The following TRDN variants were observed in gnomAD, a reference collection of about 807,000 sequenced individuals.
TRDN encodes triadin in skeletal muscle.
TRDN carries 161 observed loss-of-function variants against 149.7 expected under a neutral mutation model. That is an observed-to-expected ratio of 1.08 (90% CI 0.95 to 1.23). The LOEUF (loss-of-function observed/expected upper bound fraction) is 1.23, where lower values mean the gene tolerates loss of function less well. Among genes scored for constraint, TRDN ranks in the 50% most tolerant of loss-of-function variants. TRDN has a pLI of 0.00. For missense variants in TRDN, 896 were observed against 823.5 expected, an observed-to-expected ratio of 1.09 and a Z score of -1.08; for synonymous variants, 294 against 250.5, an observed-to-expected ratio of 1.17 and a Z score of -1.64.
At chr6:123,330,099 T>C (rs1779605906) in intron 23 of TRDN, among the ~76,000 whole-genome samples, 1 of 152,034 alleles carries the variant, frequency 6.6e-6, no homozygotes, top group Non-Finnish European at 1.5e-5. Context: ...TCTTTGAGAA[T>C]ATATTTCCAG....
chr6:123,531,997 C>A (rs1401595735), intron 4 of TRDN, among the ~76,000 whole-genome samples: 4 of 151,968 alleles, frequency 2.6e-5, no homozygotes, highest in Non-Finnish European at 5.9e-5. Flanking sequence ...CAAATGTCTC[C>A]TACAGGGCAA....
Position 123,409,715 on chromosome 6 carries a change from A to ACACC in TRDN, c.1052-16039_1052-16038insGGTG, listed in dbSNP as rs35355392. Among the ~76,000 whole-genome samples, 699 of 151,478 alleles carry ACACC rather than the reference A, an allele frequency of 4.6e-3. 4 individuals carry two copies. The highest frequency in any genetic ancestry group is 6.9e-3 in the Non-Finnish European group (465 of 67,830). ...TACACACACACACACACACACACACACCCAAAACTCAGAGTCTAGTGAGAA... is the reference window on the plus strand; with the variant it reads ...TACACACACACACACACACACACACACACCCCCAAAACTCAGAGTCTAGTGAGAA... On this transcript the variant is annotated intron_variant, in intron 12 of 40. Coordinates refer to ENST00000334268, the MANE Select transcript of TRDN (RefSeq NM_006073.4).
intron 29 of TRDN, among the ~76,000 whole-genome samples, chr6:123,272,096 T>C (rs558710660): frequency 3.9e-5 from 6 of 151,974 alleles, no homozygotes; most frequent in Non-Finnish European, 7.4e-5. Context: ...CTGTTGTTGG[T>C]GTATCACAGT....
At chr6:123,506,508 A>C (rs1778930795) in intron 7 of TRDN, among the ~76,000 whole-genome samples, 1 of 150,746 alleles carries the variant, frequency 6.6e-6, no homozygotes, top group Non-Finnish European at 1.5e-5. Context: ...TTTTTTGTTT[A>C]GATAGACTCT....
In TRDN at chr6:123,503,633, C is replaced by G. The variant is rs1778792708; in HGVS notation, c.793+86G>C. On this transcript the variant is annotated intron_variant, in intron 8 of 40. Transcript: ENST00000334268. ...CCCCCATTTGAAGTCTGATTTTGGT[C>G]TTTTTCAACTTTTAATTTCACTGCA... 1.9e-6 allele frequency: 3 copies of G among 1,571,624 alleles called. No individual in the cohort carries two copies. The East Asian group carries it at 6.8e-5, about 36-fold the overall frequency.
intron 1 of TRDN, among the ~76,000 whole-genome samples, chr6:123,607,400 A>T (rs1668606668): frequency 6.6e-6 from 1 of 152,182 alleles, no homozygotes; most frequent in Admixed American, 6.6e-5. Flanking sequence ...CTCAGAAGAA[A>T]CCTCAAAAGA....
At chr6:123,296,591 A>G (rs2114660791) in intron 24 of TRDN, among the ~76,000 whole-genome samples, 1 of 152,132 alleles carries the variant, frequency 6.6e-6, no homozygotes, top group Non-Finnish European at 1.5e-5. Context: ...TAAGACTCTA[A>G]GAGAAAATGC....
intron 23 of TRDN, among the ~76,000 whole-genome samples, chr6:123,327,672 T>A (rs1779509838): frequency 6.6e-6 from 1 of 152,128 alleles, no homozygotes; most frequent in East Asian, 1.9e-4. Context: ...TTAATTTTCA[T>A]AGGATGATCT....
At chr6:123,382,352 T>C (rs898888820) in intron 14 of TRDN, among the ~76,000 whole-genome samples, 1 of 151,262 alleles carries the variant, frequency 6.6e-6, no homozygotes, top group Non-Finnish European at 1.5e-5. Context: ...AAACTCTTTA[T>C]AAAATATCTT....
intron 2 of TRDN, among the ~76,000 whole-genome samples, chr6:123,569,193 C>T (rs1275425411): frequency 6.6e-6 from 1 of 152,198 alleles, no homozygotes; most frequent in Non-Finnish European, 1.5e-5. Context: ...AAGAATGCAG[C>T]CAAGATCTTT....
intron 1 of TRDN, among the ~76,000 whole-genome samples, chr6:123,597,425 G>A (rs927820205): frequency 2.0e-5 from 3 of 152,052 alleles, no homozygotes; most frequent in Non-Finnish European, 2.9e-5. Flanking sequence ...TGACAACAAA[G>A]GATTTAGAAT....
intron 23 of TRDN, among the ~76,000 whole-genome samples, chr6:123,321,170 TGAC>T (rs1779229164): frequency 6.6e-6 from 1 of 152,134 alleles, no homozygotes. Flanking sequence ...GGCAATTGTG[TGAC>T]CTGGGCAAGT....
chr6:123,566,409 A>G (rs1583256908), intron 2 of TRDN, among the ~76,000 whole-genome samples: 1 of 152,342 alleles, frequency 6.6e-6, no homozygotes, highest in East Asian at 1.9e-4. Context: ...TAGCAAATAT[A>G]TGCATAAATC....
At chr6:123,329,325 G>C (rs1779580524) in intron 23 of TRDN, among the ~76,000 whole-genome samples, 1 of 152,152 alleles carries the variant, frequency 6.6e-6, no homozygotes, top group Admixed American at 6.6e-5. Flanking sequence ...AATTGTGTAT[G>C]ATATTGCCAT....
At position 123,398,701 on chromosome 6, in the gene TRDN, A is replaced by G. The variant is rs528984636; in HGVS notation, c.1052-5024T>C. Among the ~76,000 whole-genome samples the G allele has an allele frequency of 3.3e-5, 5 of 152,294 alleles. No individual in the cohort carries two copies. In the South Asian group the frequency reaches 8.3e-4, roughly 25 times the overall value. On this transcript the variant is annotated intron_variant, in intron 12 of 40. Coordinates refer to ENST00000334268, the MANE Select transcript of TRDN (RefSeq NM_006073.4). ...AAGCATATTTCATGGGCATTGCTTC[A>G]TTTCAGTATGATAATTACCCTATTG...
Position 123,382,102 on chromosome 6 carries a change from G to C in TRDN, c.1165+16C>G. On this transcript the variant is annotated intron_variant, in intron 15 of 40. Coordinates refer to ENST00000334268, the MANE Select transcript of TRDN (RefSeq NM_006073.4). ...TCATCAAACATAAGGCAGAAAAAAA[G>C]AAATATGTCCAGTACCTTCTGCAGG... The C allele has an allele frequency of 6.8e-7, 1 of 1,467,918 alleles. No individual in the cohort carries two copies. The highest frequency in any genetic ancestry group is 1.4e-5 in the South Asian group (1 of 70,728). 90.9% of individuals were successfully genotyped at this position (1,467,918 alleles called of 1,614,324 possible).
intron 1 of TRDN, among the ~76,000 whole-genome samples, chr6:123,591,833 C>G (rs551899140): frequency 1.6e-4 from 25 of 152,068 alleles, no homozygotes; most frequent in African/African-American, 5.5e-4. Flanking sequence ...GTATTCATGC[C>G]CATATTTCAA....
chr6:123,321,734 A>G (rs966403897), intron 23 of TRDN, among the ~76,000 whole-genome samples: 1 of 152,076 alleles, frequency 6.6e-6, no homozygotes, highest in Non-Finnish European at 1.5e-5. Context: ...TGTTTCAGAT[A>G]TGAGATAAGC....
At chr6:123,439,281 G>A (rs1231112484) in intron 10 of TRDN, among the ~76,000 whole-genome samples, 1 of 152,140 alleles carries the variant, frequency 6.6e-6, no homozygotes, top group Non-Finnish European at 1.5e-5. Flanking sequence ...GAATGTGATA[G>A]TTTGAACTTT....
Sources: allele counts gnomAD v4.1 joint callset (sites outside exome capture counted in the v4.1 genomes callset), GRCh38; gene constraint gnomAD v4.1.1; transcripts MANE v1.5; gene names NCBI Gene and HGNC (gene_info 2026-07-23, HGNC 2026-07-21).